The following MRE11 variants were observed in gnomAD, a reference collection of about 807,000 sequenced individuals.
MRE11 encodes MRE11 double strand break repair nuclease, also known as double-strand break repair protein MRE11.
In MRE11, 62 loss-of-function variants were observed where a neutral mutation model predicts 91.7. The ratio of observed to expected loss-of-function variants is 0.68; its 90% CI spans 0.55 to 0.84. The LOEUF is 0.84. Ranked by LOEUF, MRE11 falls within the 40% of genes least tolerant of loss-of-function variation. MRE11 has a pLI of 0.00. For synonymous variants in MRE11, 273 were observed against 271.4 expected, an observed-to-expected ratio of 1.01 and a Z score of -0.06; for missense variants, 796 against 852.9, an observed-to-expected ratio of 0.93 and a Z score of 0.83.
At chr11:94,450,805 C>T (rs1946079486) in intron 14 of MRE11, among the ~76,000 whole-genome samples, 1 of 151,918 alleles carries the variant, frequency 6.6e-6, no homozygotes, top group Admixed American at 6.6e-5. Flanking sequence ...TAAAGCCTAT[C>T]CAAGTATTAG....
At position 94,437,233 on chromosome 11, in the gene MRE11, A is replaced by C; in HGVS notation, c.1870T>G (p.Phe624Val). 2 of 1,612,454 alleles carry C rather than the reference A, an allele frequency of 1.2e-6. No individual in the cohort carries two copies. The highest frequency in any genetic ancestry group is 1.7e-6 in the Non-Finnish European group (2 of 1,179,134). The change falls in exon 17 of 20, where the codon TTT becomes GTT. Residue 624 changes from phenylalanine to valine, a missense_variant and splice_region_variant. Phe to Val is a conservative substitution (Grantham distance 50). Transcript: ENST00000323929. ...GAAGGCTGCTGTCTTGTAGATTTAA[A>C]GGCTAGAATGAAAAAGATGAAATGT... ...ASRNMSIIDAFKSTRQQPSRN... is the reference protein window; with the variant it reads ...ASRNMSIIDAVKSTRQQPSRN...
At chr11:94,457,705 G>T (rs1481459080) in intron 13 of MRE11, among the ~76,000 whole-genome samples, 1 of 152,068 alleles carries the variant, frequency 6.6e-6, no homozygotes, top group African/African-American at 2.4e-5. Flanking sequence ...AACCTTGAAG[G>T]AGGGCCTATT....
At chr11:94,453,920 T>C (rs1357884655) in intron 14 of MRE11, among the ~76,000 whole-genome samples, 2 of 151,986 alleles carry the variant, frequency 1.3e-5, no homozygotes, top group Admixed American at 6.6e-5. Flanking sequence ...TAAAGGGCCA[T>C]TAATAAAAAA....
the MRE11 span, among the ~76,000 whole-genome samples, chr11:94,507,357 T>G: frequency 6.6e-6 from 1 of 152,234 alleles, no homozygotes; most frequent in Non-Finnish European, 1.5e-5. Context: ...AATTTATATA[T>G]ACATGATATT....
chr11:94,450,468 T>C (rs1273391515), intron 14 of MRE11, among the ~76,000 whole-genome samples: 3 of 152,150 alleles, frequency 2.0e-5, no homozygotes, highest in Non-Finnish European at 2.9e-5. Flanking sequence ...CAAGACCCCA[T>C]GAAACTTTTT....
intron 17 of MRE11, among the ~76,000 whole-genome samples, chr11:94,436,216 A>T (rs1439903580): frequency 1.3e-5 from 2 of 152,180 alleles, no homozygotes; most frequent in Non-Finnish European, 2.9e-5. Context: ...TTAGTTTCTT[A>T]TGAGAGGTGA....
chr11:94,485,096 C>T (rs1591717627), intron 4 of MRE11, among the ~76,000 whole-genome samples: 1 of 151,774 alleles, frequency 6.6e-6, no homozygotes, highest in East Asian at 1.9e-4. Context: ...GCCTGTAATC[C>T]CAGCTACTCA....
chr11:94,483,066 A>T (rs1947052567), intron 4 of MRE11, among the ~76,000 whole-genome samples: 1 of 152,238 alleles, frequency 6.6e-6, no homozygotes, highest in East Asian at 1.9e-4. Context: ...TCAATTATAT[A>T]TGCAGCCAAA....
intron 6 of MRE11, among the ~76,000 whole-genome samples, chr11:94,478,213 T>C (rs909432274): frequency 6.6e-6 from 1 of 152,202 alleles, no homozygotes; most frequent in African/African-American, 2.4e-5. Context: ...GGCAATTTTC[T>C]GGAGATATGA....
At chr11:94,459,190 G>C (rs1407835879) in intron 13 of MRE11, among the ~76,000 whole-genome samples, 1 of 152,028 alleles carries the variant, frequency 6.6e-6, no homozygotes, top group Non-Finnish European at 1.5e-5. Flanking sequence ...ACTATCCATG[G>C]GGAACAAAAC....
upstream of MRE11, chr11:94,497,097 A>G: frequency 9.4e-7 from 1 of 1,061,106 alleles, no homozygotes; most frequent in Non-Finnish European, 1.4e-6. Flanking sequence ...AGCACATATT[A>G]AGCTGCAAAG....
At position 94,437,182 on chromosome 11, in the gene MRE11, A is replaced by C. The variant is rs1945640964; in HGVS notation, c.1921T>G (p.Ser641Ala). The change falls in exon 17 of 20, where the codon TCA becomes GCA. Residue 641 changes from serine to alanine, a missense_variant. Ser to Ala is a moderately conservative substitution (Grantham distance 99). Transcript: ENST00000323929. Reference sequence around the variant, plus strand: ...CATAAAACTTTTTTTCTTACCTCTGAATAATTCTTAGTAGTGACATTTCGG... The same window carrying C: ...CATAAAACTTTTTTTCTTACCTCTGCATAATTCTTAGTAGTGACATTTCGG... ...PSRNVTTKNY[S>A]EVIEVDESDV... is the part of the protein sequence containing the mutation. 1 of 1,612,350 alleles carries C rather than the reference A, an allele frequency of 6.2e-7. No individual in the cohort carries two copies. The highest frequency in any genetic ancestry group is 2.2e-5 in the East Asian group (1 of 44,722).
intron 4 of MRE11, chr11:94,483,660 T>C (rs1316849148): frequency 1.3e-5 from 2 of 152,580 alleles, no homozygotes; most frequent in Non-Finnish European, 2.9e-5. Context: ...AACTGCCCAG[T>C]CTTGGCGGGT....
At chr11:94,451,589 G>A (rs892555313) in intron 14 of MRE11, among the ~76,000 whole-genome samples, 2 of 151,996 alleles carry the variant, frequency 1.3e-5, no homozygotes, top group African/African-American at 2.4e-5. Flanking sequence ...AGAAGCTTAT[G>A]GAAAGACCAA....
upstream of MRE11, among the ~76,000 whole-genome samples, chr11:94,495,769 T>C (rs557047704): frequency 2.6e-5 from 4 of 152,306 alleles, 1 homozygote; most frequent in African/African-American, 4.8e-5. Flanking sequence ...TGTATACTCA[T>C]GGTTTCTAGA....
chr11:94,449,233 G>C (rs1416354400), intron 14 of MRE11, among the ~76,000 whole-genome samples: 1 of 152,148 alleles, frequency 6.6e-6, no homozygotes. Context: ...TCTCAGCTGA[G>C]GTGAAATCAC....
In MRE11 at chr11:94,437,611, T is replaced by C. The variant is rs146924150; in HGVS notation, c.1868-376A>G. The stretch of plus-strand genomic sequence containing the variant: ...GTTGTTGACGATACCTTTATCCCTG[T>C]TGCTACATTAGGAGCCATGGGGTTC... On this transcript the variant is annotated intron_variant, in intron 16 of 19. Transcript: ENST00000323929. Among the ~76,000 whole-genome samples the C allele has an allele frequency of 3.3e-5, 5 of 152,342 alleles. No homozygotes were observed. The East Asian group carries it at 7.7e-4, about 24-fold the overall frequency.
intron 6 of MRE11, among the ~76,000 whole-genome samples, 162 bp from the exon 7 acceptor site, chr11:94,476,565 CTTTT>C (rs1358414806): frequency 6.6e-6 from 1 of 151,616 alleles, no homozygotes. Context: ...GTTGCAGGTT[CTTTT>C]TTTATCTTTT....
chr11:94,450,310 G>C (rs111628013), intron 14 of MRE11, among the ~76,000 whole-genome samples: 1 of 151,994 alleles, frequency 6.6e-6, no homozygotes, highest in Non-Finnish European at 1.5e-5. Context: ...GATTTTATAC[G>C]ACATAACTAC....
Sources: allele counts gnomAD v4.1 joint callset (sites outside exome capture counted in the v4.1 genomes callset), GRCh38; gene constraint gnomAD v4.1.1; transcripts MANE v1.5; gene names NCBI Gene and HGNC (gene_info 2026-07-23, HGNC 2026-07-21).